The following SLC9A9 variants were observed in gnomAD, a reference collection of about 807,000 sequenced individuals.
The protein encoded by SLC9A9 is solute carrier family 9 member A9, also known as sodium/hydrogen exchanger 9.
Under a neutral mutation model 77.8 loss-of-function variants are expected in SLC9A9, and 62 were observed. That is an observed-to-expected ratio of 0.80 (90% CI 0.65 to 0.98). The LOEUF (loss-of-function observed/expected upper bound fraction) is 0.98. SLC9A9 is among the 50% of genes least tolerant of loss of function. The pLI is 0.00. For synonymous variants in SLC9A9, 320 were observed against 283.5 expected, an observed-to-expected ratio of 1.13 and a Z score of -1.29; for missense variants, 775 against 774.9, an observed-to-expected ratio of 1.00 and a Z score of 0.00.
chr3:143,348,054 G>A (rs540867290), intron 14 of SLC9A9, among the ~76,000 whole-genome samples: 15 of 148,412 alleles, frequency 1.0e-4, no homozygotes, highest in East Asian at 7.9e-4. Context: ...TTACTCTGTC[G>A]CCAGGCTGGA....
chr3:143,705,048 TATAGATATAG>T (rs1933932648), intron 4 of SLC9A9, among the ~76,000 whole-genome samples: 3 of 41,846 alleles, frequency 7.2e-5, no homozygotes, highest in South Asian at 1.0e-3. Flanking sequence ...TCTATATAGA[TATAGATATAG>T]ATATATAGAT....
chr3:143,581,472 CTCCT>C (rs761571793), intron 6 of SLC9A9, among the ~76,000 whole-genome samples: 30 of 152,080 alleles, frequency 2.0e-4, no homozygotes, highest in African/African-American at 3.9e-4. Context: ...CCCTTTCTCT[CTCCT>C]TCCTTCCTTC....
intron 6 of SLC9A9, among the ~76,000 whole-genome samples, chr3:143,640,615 C>T (rs1303320577): frequency 6.6e-6 from 1 of 152,084 alleles, no homozygotes; most frequent in Non-Finnish European, 1.5e-5. Context: ...AATCCCAGCA[C>T]TTTGGGAGGC....
rs559596434 is a variant in SLC9A9 at position 143,803,183 on chromosome 3, A to G, written c.379-6280T>C. Among the ~76,000 whole-genome samples the G allele has an allele frequency of 2.0e-5, 3 of 152,306 alleles. No homozygotes were observed. In the East Asian group the frequency reaches 5.8e-4, roughly 29 times the overall value. Reference sequence around the variant, plus strand: ...ACCGTTCCAGAGTAAAGCTGTGTCCATCAGTCAGCCAGCCTAATCCCCCCT... The same window carrying G: ...ACCGTTCCAGAGTAAAGCTGTGTCCGTCAGTCAGCCAGCCTAATCCCCCCT... On this transcript the variant is annotated intron_variant, in intron 2 of 15. Coordinates refer to ENST00000316549, the MANE Select transcript of SLC9A9 (RefSeq NM_173653.4).
At chr3:143,720,109 C>T (rs1280820006) in intron 4 of SLC9A9, among the ~76,000 whole-genome samples, 2 of 151,100 alleles carry the variant, frequency 1.3e-5, no homozygotes, top group Non-Finnish European at 2.9e-5. Context: ...GATTCTGATA[C>T]CACATATATA....
At chr3:143,803,813 T>G (rs989050198) in intron 2 of SLC9A9, among the ~76,000 whole-genome samples, 6 of 152,152 alleles carry the variant, frequency 3.9e-5, no homozygotes, top group South Asian at 2.1e-4. Flanking sequence ...CCGCCTTACA[T>G]ACAGACTGGG....
chr3:143,683,622 C>T (rs1452199478), intron 5 of SLC9A9, among the ~76,000 whole-genome samples: 2 of 151,972 alleles, frequency 1.3e-5, no homozygotes, highest in African/African-American at 2.4e-5. Context: ...TGGATAGTGC[C>T]GTCACGACAT....
At chr3:143,457,730 T>TA (rs1201031385) in intron 12 of SLC9A9, among the ~76,000 whole-genome samples, 1 of 152,220 alleles carries the variant, frequency 6.6e-6, no homozygotes, top group Non-Finnish European at 1.5e-5. Context: ...AGAATTGCAT[T>TA]AATTTTCAAT....
intron 9 of SLC9A9, among the ~76,000 whole-genome samples, chr3:143,501,365 A>C (rs1043503263): frequency 6.6e-6 from 1 of 150,792 alleles, no homozygotes; most frequent in Non-Finnish European, 1.5e-5. Flanking sequence ...CACTTTATGG[A>C]CATTTGCATA....
intron 15 of SLC9A9, among the ~76,000 whole-genome samples, chr3:143,268,149 AC>A (rs1442632323): frequency 2.6e-5 from 4 of 152,202 alleles, no homozygotes; most frequent in African/African-American, 9.7e-5. Flanking sequence ...TTCTAAGGGT[AC>A]TTGCAAACCT....
rs143023046 is a variant in SLC9A9, at chr3:143,307,532, C to T, written c.1605-38552G>A. ...TAGGTCACAGAGTAAGCTGTAGATG[C>T]CTTGAGCCTGCAGGCTGGGTCTTTG... On this transcript the variant is annotated intron_variant, in intron 14 of 15. Coordinates refer to ENST00000316549, the MANE Select transcript of SLC9A9 (RefSeq NM_173653.4). Among the ~76,000 whole-genome samples, 364 of 152,296 alleles carry T rather than the reference C, an allele frequency of 2.4e-3. 3 individuals carry two copies. The highest frequency in any genetic ancestry group is 8.3e-3 in the African/African-American group (345 of 41,554).
intron 14 of SLC9A9, among the ~76,000 whole-genome samples, chr3:143,269,406 A>G (rs1266120564): frequency 6.6e-6 from 1 of 152,254 alleles, no homozygotes; most frequent in Non-Finnish European, 1.5e-5. Context: ...ATGTTCAGTT[A>G]TTTTAGAGCT....
At chr3:143,722,472 C>CAA (rs60995925) in intron 4 of SLC9A9, among the ~76,000 whole-genome samples, 24,216 of 58,024 alleles carry the variant, frequency 0.42, 6,323 homozygotes, top group Non-Finnish European at 0.47. Context: ...GACTCCATCT[C>CAA]AAAAAAAAAA....
chr3:143,518,239 G>A, intron 9 of SLC9A9: 1 of 1,590,554 alleles, frequency 6.3e-7, no homozygotes, highest in African/African-American at 1.3e-5. Context: ...TGGCAGGGAG[G>A]TGGTGGGCGA....
chr3:143,431,721 C>T (rs1053142250), intron 12 of SLC9A9, among the ~76,000 whole-genome samples: 5 of 151,838 alleles, frequency 3.3e-5, no homozygotes, highest in Non-Finnish European at 7.4e-5. Context: ...GACCTCGTGA[C>T]CCAATTCTTA....
chr3:143,583,010 G>A (rs56154708), intron 6 of SLC9A9, among the ~76,000 whole-genome samples: 15,856 of 152,052 alleles, frequency 0.1, 939 homozygotes, highest in Non-Finnish European at 0.13. Context: ...GAAATTAGCT[G>A]GGTGTGATGG....
chr3:143,371,253 A>G (rs540919928), intron 13 of SLC9A9, among the ~76,000 whole-genome samples: 28 of 152,260 alleles, frequency 1.8e-4, no homozygotes, highest in Admixed American at 3.3e-4. Context: ...AGCTAAAGCC[A>G]AAAGTCAGCT....
At chr3:143,479,371 C>T (rs2035535303) in intron 11 of SLC9A9, among the ~76,000 whole-genome samples, 1 of 152,062 alleles carries the variant, frequency 6.6e-6, no homozygotes, top group East Asian at 1.9e-4. Context: ...CCTCAGCCTC[C>T]TGAGTAGCTG....
chr3:143,615,635 C>T (rs1185617866), intron 6 of SLC9A9, among the ~76,000 whole-genome samples: 1 of 152,166 alleles, frequency 6.6e-6, no homozygotes, highest in Non-Finnish European at 1.5e-5. Context: ...GTGACAATAA[C>T]TCAGAGTCAA....
Sources: allele counts gnomAD v4.1 joint callset (sites outside exome capture counted in the v4.1 genomes callset), GRCh38; gene constraint gnomAD v4.1.1; transcripts MANE v1.5; gene names NCBI Gene and HGNC (gene_info 2026-07-23, HGNC 2026-07-21).